Variants in KCTD8 observed in about 807,000 individuals in gnomAD.
KCTD8 encodes the protein potassium channel tetramerization domain containing 8, also known as BTB/POZ domain-containing protein KCTD8.
In KCTD8, 27 loss-of-function variants were observed where a neutral mutation model predicts 31.5. That is an observed-to-expected ratio of 0.86 (90% CI 0.63 to 1.18). The LOEUF is 1.18. Ranked by LOEUF, KCTD8 falls within the 50% of genes most tolerant of loss-of-function variation. The pLI, the probability that KCTD8 is intolerant of heterozygous loss-of-function variation, is 0.00. For synonymous variants in KCTD8, 290 were observed against 280.0 expected (o/e 1.04, Z -0.36); for missense variants, 658 against 647.7 (o/e 1.02, Z -0.17).
chr4:44,262,900 A>G (rs1460561987), intron 1 of KCTD8, among the ~76,000 whole-genome samples: 1 of 152,166 alleles, frequency 6.6e-6, no homozygotes, highest in Non-Finnish European at 1.5e-5. Context: ...TTTCAAAATG[A>G]GACTTTCTGA....
chr4:44,430,476 A>G (rs1227187709), intron 1 of KCTD8, among the ~76,000 whole-genome samples: 1 of 151,734 alleles, frequency 6.6e-6, no homozygotes, highest in Non-Finnish European at 1.5e-5. Flanking sequence ...GGCCCATGAA[A>G]TTCTGAACTA....
chr4:44,317,344 A>G (rs1002415861), intron 1 of KCTD8, among the ~76,000 whole-genome samples: 1 of 131,256 alleles, frequency 7.6e-6, no homozygotes, highest in Non-Finnish European at 1.5e-5. Context: ...GGTTCACGCC[A>G]TTCTCCTGCC....
At chr4:44,447,135 G>A (rs1426616264) in intron 1 of KCTD8, among the ~76,000 whole-genome samples, 3 of 152,206 alleles carry the variant, frequency 2.0e-5, no homozygotes, top group African/African-American at 7.2e-5. Flanking sequence ...GCCCTCTGCA[G>A]GGACACCACT....
intron 1 of KCTD8, among the ~76,000 whole-genome samples, chr4:44,322,738 G>A (rs1383525145): frequency 6.6e-6 from 1 of 151,972 alleles, no homozygotes. Flanking sequence ...ATTTATGTCT[G>A]TAATCTATTT....
chr4:44,181,202 G>A (rs1288460914), intron 1 of KCTD8, among the ~76,000 whole-genome samples: 10 of 95,962 alleles, frequency 1.0e-4, no homozygotes, highest in African/African-American at 4.2e-4. Flanking sequence ...CTCTTTCCAC[G>A]GTCTCCCTCT....
intron 1 of KCTD8, among the ~76,000 whole-genome samples, chr4:44,355,512 G>A (rs1287511813): frequency 6.6e-6 from 1 of 152,112 alleles, no homozygotes; most frequent in Non-Finnish European, 1.5e-5. Flanking sequence ...ATCAACCAAT[G>A]TAGTTTTATG....
At chr4:44,241,549 G>A (rs548892400) in intron 1 of KCTD8, among the ~76,000 whole-genome samples, 9 of 152,276 alleles carry the variant, frequency 5.9e-5, no homozygotes, top group African/African-American at 1.9e-4. Flanking sequence ...TGGACCAGGT[G>A]GTCTGGTTCC....
At chr4:44,437,810 A>G (rs1022685505) in intron 1 of KCTD8, among the ~76,000 whole-genome samples, 1 of 150,182 alleles carries the variant, frequency 6.7e-6, no homozygotes, top group African/African-American at 2.5e-5. Context: ...AGAACCACAA[A>G]ATAAAACAAA....
intron 1 of KCTD8, among the ~76,000 whole-genome samples, chr4:44,220,562 G>T (rs1714778294): frequency 6.6e-6 from 1 of 152,136 alleles, no homozygotes; most frequent in South Asian, 2.1e-4. Context: ...CCACTAAGGA[G>T]CATTATGATT....
At chr4:44,397,051 G>A (rs1447771917) in intron 1 of KCTD8, among the ~76,000 whole-genome samples, 1 of 152,052 alleles carries the variant, frequency 6.6e-6, no homozygotes, top group Middle Eastern at 3.2e-3. Context: ...GCTCCATCTG[G>A]ACCCTTTCAC....
At chr4:44,348,793 C>G (rs1317834802) in intron 1 of KCTD8, among the ~76,000 whole-genome samples, 1 of 151,986 alleles carries the variant, frequency 6.6e-6, no homozygotes, top group African/African-American at 2.4e-5. Context: ...GTTATATGAC[C>G]TTCTTGCTGT....
chr4:44,246,334 G>A (rs911907053), intron 1 of KCTD8, among the ~76,000 whole-genome samples: 8 of 151,864 alleles, frequency 5.3e-5, no homozygotes, highest in African/African-American at 1.4e-4. Flanking sequence ...ATTTTAGCCC[G>A]TATTTCTCTC....
chr4:44,389,120 G>A (rs1720302207), intron 1 of KCTD8, among the ~76,000 whole-genome samples: 1 of 151,728 alleles, frequency 6.6e-6, no homozygotes, highest in African/African-American at 2.4e-5. Context: ...GGTTACTAGA[G>A]GCTGGGAAAG....
chr4:44,182,668 T>C (rs1377392839), intron 1 of KCTD8, among the ~76,000 whole-genome samples: 1 of 152,180 alleles, frequency 6.6e-6, no homozygotes, highest in African/African-American at 2.4e-5. Context: ...CACAGGGTCC[T>C]CTGCCTAGGA....
rs377571459 is a variant in KCTD8, at chr4:44,291,475, C to A, written c.962-116225G>T. Among the ~76,000 whole-genome samples the A allele has an allele frequency of 2.6e-5, 4 of 152,112 alleles. No individual in the cohort carries two copies. The East Asian group carries it at 5.8e-4, about 22-fold the overall frequency. ...CTAGACCTCTTCCTGTCATGTTATACAAAAATTAACTCAAGATGAATACAA... is the reference window on the plus strand; with the variant it reads ...CTAGACCTCTTCCTGTCATGTTATAAAAAAATTAACTCAAGATGAATACAA... On this transcript the variant is annotated intron_variant, in intron 1 of 1. Coordinates refer to ENST00000360029, the MANE Select transcript of KCTD8 (RefSeq NM_198353.3).
intron 1 of KCTD8, among the ~76,000 whole-genome samples, chr4:44,321,801 A>G (rs1560425861): frequency 1.3e-5 from 2 of 151,886 alleles, no homozygotes; most frequent in African/African-American, 4.8e-5. Flanking sequence ...TCTAGTCTCT[A>G]CCTCCATGAG....
intron 1 of KCTD8, among the ~76,000 whole-genome samples, chr4:44,310,270 C>T (rs764902157): frequency 1.1e-4 from 17 of 152,002 alleles, no homozygotes; most frequent in Non-Finnish European, 2.4e-4. Flanking sequence ...GGACTTCACG[C>T]ATAATCTAAT....
chr4:44,225,028 A>G (rs753183488), intron 1 of KCTD8, among the ~76,000 whole-genome samples: 1 of 152,220 alleles, frequency 6.6e-6, no homozygotes, highest in Non-Finnish European at 1.5e-5. Flanking sequence ...TGATCCCTGT[A>G]TAAGCATCTA....
chr4:44,205,111 A>C (rs1350382898), intron 1 of KCTD8, among the ~76,000 whole-genome samples: 4 of 152,202 alleles, frequency 2.6e-5, no homozygotes, highest in Admixed American at 6.5e-5. Flanking sequence ...ATATGTATAC[A>C]TGCAATGCAA....
Sources: allele counts gnomAD v4.1 joint callset (sites outside exome capture counted in the v4.1 genomes callset), GRCh38; gene constraint gnomAD v4.1.1; transcripts MANE v1.5; gene names NCBI Gene and HGNC (gene_info 2026-07-23, HGNC 2026-07-21).